Variants in SPTBN1 observed in about 807,000 individuals in gnomAD.
SPTBN1 encodes the protein spectrin beta, non-erythrocytic 1.
A neutral mutation model predicts 266.4 loss-of-function variants in SPTBN1; 32 were observed. The ratio of observed to expected loss-of-function variants is 0.12; its 90% CI spans 0.09 to 0.16. The LOEUF is 0.16. Ranked by LOEUF, SPTBN1 falls within the 10% of genes least tolerant of loss-of-function variation. The pLI, the probability that SPTBN1 is intolerant of heterozygous loss-of-function variation, is 1.00. For missense variants in SPTBN1, 2,296 were observed against 3,067.1 expected (o/e 0.75, Z 5.94); for synonymous variants, 1,336 against 1,162.2 (o/e 1.15, Z -3.04).
chr2:54,487,476 G>T (rs1039790474), intron 1 of SPTBN1, among the ~76,000 whole-genome samples: 1 of 151,832 alleles, frequency 6.6e-6, no homozygotes, highest in African/African-American at 2.4e-5. Context: ...TTGCATATTT[G>T]CACAACTTAA....
Position 54,628,758 on chromosome 2 carries a change from G to T in SPTBN1, c.1799-175G>T, listed in dbSNP as rs938586676. Among the ~76,000 whole-genome samples, 1 of 152,188 alleles carries T rather than the reference G, an allele frequency of 6.6e-6. No homozygotes were observed. The highest frequency in any genetic ancestry group is 2.4e-5 in the African/African-American group (1 of 41,420). Reference sequence around the variant, plus strand: ...AATGTTTATCATTGCCCTCACTCCTGTTCTAGTCAAGTTGTTAGAAGGTGC... The same window carrying T: ...AATGTTTATCATTGCCCTCACTCCTTTTCTAGTCAAGTTGTTAGAAGGTGC... On this transcript the variant is annotated intron_variant, in intron 13 of 35. Coordinates refer to ENST00000356805, the MANE Select transcript of SPTBN1 (RefSeq NM_003128.3). The surrounding 1 kb of genome is among the most constrained non-coding windows in gnomAD (Gnocchi z 4.3).
At chr2:54,463,645 G>C (rs1275469897) in intron 1 of SPTBN1, among the ~76,000 whole-genome samples, 1 of 152,100 alleles carries the variant, frequency 6.6e-6, no homozygotes, top group East Asian at 1.9e-4. Flanking sequence ...GTAATTCAGC[G>C]CTTATCACAA....
intron 31 of SPTBN1, 44 bp from the exon 32 acceptor site, chr2:54,659,892 C>A (rs1412262354): frequency 6.3e-7 from 1 of 1,593,500 alleles, no homozygotes; most frequent in Non-Finnish European, 8.6e-7. Flanking sequence ...CCTCTTTCTC[C>A]TCTTCTTCCT....
At chr2:54,508,999 A>C (rs2104196905) in intron 1 of SPTBN1, among the ~76,000 whole-genome samples, 1 of 152,342 alleles carries the variant, frequency 6.6e-6, no homozygotes, top group East Asian at 1.9e-4. Context: ...ATTGATGGGT[A>C]GTCCCTTTGC....
At chr2:54,469,821 C>G (rs1049834313) in intron 1 of SPTBN1, among the ~76,000 whole-genome samples, 3 of 152,184 alleles carry the variant, frequency 2.0e-5, no homozygotes, top group Admixed American at 2.0e-4. Flanking sequence ...TGGTCCTTCT[C>G]ACAGCAAGAT....
intron 15 of SPTBN1, 70 bp downstream of exon 15, chr2:54,630,099 G>T: frequency 6.4e-7 from 1 of 1,552,564 alleles, no homozygotes. Flanking sequence ...CACTCATCGA[G>T]CTTTGCTGTT....
chr2:54,466,368 C>T (rs1693631117), intron 1 of SPTBN1, among the ~76,000 whole-genome samples: 2 of 26,876 alleles, frequency 7.4e-5, no homozygotes, highest in African/African-American at 5.9e-4. Flanking sequence ...CGAGACCATC[C>T]TGGCTAACAC....
At chr2:54,573,748 T>C (rs983216857) in intron 2 of SPTBN1, among the ~76,000 whole-genome samples, 21 of 152,164 alleles carry the variant, frequency 1.4e-4, no homozygotes, top group Admixed American at 6.5e-5. Flanking sequence ...TATTCAGCCT[T>C]ATGGAGGGCC....
chr2:54,616,376 T>C, intron 5 of SPTBN1, 78 bp downstream of exon 5: 6 of 1,291,708 alleles, frequency 4.6e-6, no homozygotes, highest in Non-Finnish European at 6.5e-6. Context: ...TAGAAGGTGT[T>C]GACAGGTATC....
At chr2:54,544,578 T>G (rs1573381079) in intron 2 of SPTBN1, among the ~76,000 whole-genome samples, 1 of 152,228 alleles carries the variant, frequency 6.6e-6, no homozygotes, top group African/African-American at 2.4e-5. Context: ...GCACAAGAGA[T>G]ACACATGACT....
intron 1 of SPTBN1, among the ~76,000 whole-genome samples, chr2:54,507,976 A>C (rs1669663693): frequency 6.6e-6 from 1 of 152,112 alleles, no homozygotes; most frequent in African/African-American, 2.4e-5. Context: ...AAGAACGGGA[A>C]TGAGAATAAG....
At position 54,649,727 on chromosome 2, in the gene SPTBN1, A is replaced by G. The variant is rs1680147754; in HGVS notation, c.5315A>G (p.Asp1772Gly). The G allele has an allele frequency of 6.2e-7, 1 of 1,614,188 alleles. No individual in the cohort carries two copies. The part of the protein sequence containing the change: ...ADELINSGHS[D>G]AATIAEWKDG... The stretch of plus-strand genomic sequence containing the variant: ...GAGCTCATCAACTCTGGACATTCAG[A>G]TGCCGCCACCATCGCTGAATGGAAG... Residue 1772 changes from aspartate (D) to glycine (G), a missense_variant, in exon 26 of 36, where the codon GAT becomes GGT. Coordinates refer to ENST00000356805, the MANE Select transcript of SPTBN1 (RefSeq NM_003128.3). The surrounding 1 kb of genome is among the most constrained non-coding windows in gnomAD (Gnocchi z 6.7).
At chr2:54,508,166 C>T (rs186379576) in intron 1 of SPTBN1, among the ~76,000 whole-genome samples, 2 of 152,184 alleles carry the variant, frequency 1.3e-5, no homozygotes, top group East Asian at 1.9e-4. Context: ...CTAGTAAAGG[C>T]CGGTCCGTTA....
At chr2:54,542,164 C>A (rs987858451) in intron 2 of SPTBN1, among the ~76,000 whole-genome samples, 6 of 152,138 alleles carry the variant, frequency 3.9e-5, no homozygotes, top group African/African-American at 1.4e-4. Context: ...GTGGTAGAAA[C>A]ACAGTTAGGT....
intron 2 of SPTBN1, among the ~76,000 whole-genome samples, chr2:54,546,233 A>T (rs924125142): frequency 3.9e-5 from 6 of 152,204 alleles, no homozygotes; most frequent in African/African-American, 1.2e-4. Context: ...AGCCCTTATT[A>T]TGGCAAAATT....
intron 1 of SPTBN1, among the ~76,000 whole-genome samples, chr2:54,497,778 A>G (rs1225907064): frequency 1.3e-5 from 2 of 152,218 alleles, no homozygotes; most frequent in African/African-American, 4.8e-5. Context: ...TTTGAAAAAT[A>G]TCTGCAAATA....
At chr2:54,549,789 G>A (rs1013450904) in intron 2 of SPTBN1, among the ~76,000 whole-genome samples, 5 of 152,142 alleles carry the variant, frequency 3.3e-5, no homozygotes, top group African/African-American at 9.7e-5. Context: ...AATGGACTTG[G>A]GACTAAAAGG....
intron 1 of SPTBN1, among the ~76,000 whole-genome samples, chr2:54,504,786 A>G (rs904447387): frequency 6.6e-6 from 1 of 152,022 alleles, no homozygotes; most frequent in African/African-American, 2.4e-5. Context: ...CAAATGTTTT[A>G]CTTAGTACCT....
chr2:54,481,863 G>T (rs1392877626), intron 1 of SPTBN1, among the ~76,000 whole-genome samples: 1 of 152,160 alleles, frequency 6.6e-6, no homozygotes, highest in Non-Finnish European at 1.5e-5. Context: ...TGAATTATTT[G>T]TATATAAAGA....
Sources: allele counts gnomAD v4.1 joint callset (sites outside exome capture counted in the v4.1 genomes callset), GRCh38; gene constraint gnomAD v4.1.1; non-coding constraint Gnocchi (gnomAD v3.1); transcripts MANE v1.5; gene names NCBI Gene and HGNC (gene_info 2026-07-23, HGNC 2026-07-21).